The following MROH1 variants were observed in gnomAD, a reference collection of about 807,000 sequenced individuals.
MROH1 encodes maestro heat-like repeat-containing protein family member 1.
A neutral mutation model predicts 116.5 loss-of-function variants in MROH1; 117 were observed. That is an observed-to-expected ratio of 1.00 (90% CI 0.86 to 1.17). The LOEUF (loss-of-function observed/expected upper bound fraction) is 1.17. Ranked by LOEUF, MROH1 falls within the 50% of genes most tolerant of loss-of-function variation. The probability of loss-of-function intolerance (pLI) is 0.00; values close to 1 mark genes in which losing one functional copy is unlikely to be tolerated. For synonymous variants in MROH1, 921 were observed against 583.9 expected (o/e 1.58, Z -8.32); for missense variants, 1,873 against 1,338.5 (o/e 1.40, Z -6.23).
chr8:144,258,985 C>G (rs1251522860), intron 36 of MROH1, 71 bp downstream of exon 36: 1 of 663,746 alleles, frequency 1.5e-6, no homozygotes, highest in Non-Finnish European at 2.8e-6. Context: ...CAGAACATGA[C>G]AGGATCAGGC....
At chr8:144,205,517 G>GACACACACAC (rs10695749) in intron 12 of MROH1, among the ~76,000 whole-genome samples, 1 of 148,596 alleles carries the variant, frequency 6.7e-6, no homozygotes, top group African/African-American at 2.5e-5. Flanking sequence ...CATATATATA[G>GACACACACAC]ACACACACAC....
intron 35 of MROH1, among the ~76,000 whole-genome samples, chr8:144,257,797 C>T (rs1337272102): frequency 3.3e-5 from 5 of 152,254 alleles, no homozygotes; most frequent in Non-Finnish European, 4.4e-5. Flanking sequence ...CCGTGCCGCT[C>T]GGGGGTTGTC....
intron 3 of MROH1, among the ~76,000 whole-genome samples, chr8:144,166,717 G>A (rs1424049039): frequency 3.9e-5 from 6 of 152,052 alleles, no homozygotes; most frequent in African/African-American, 1.2e-4. Flanking sequence ...CTGGGGCGCC[G>A]CCCAGCCAGG....
intron 12 of MROH1, among the ~76,000 whole-genome samples, chr8:144,217,788 C>A (rs1366780458): frequency 6.6e-6 from 1 of 152,110 alleles, no homozygotes; most frequent in Non-Finnish European, 1.5e-5. Context: ...GAGACCAGAC[C>A]TTATTGTTTT....
chr8:144,155,429 A>C (rs1324389129), intron 1 of MROH1, among the ~76,000 whole-genome samples: 3 of 152,214 alleles, frequency 2.0e-5, no homozygotes, highest in Admixed American at 1.3e-4. Context: ...TTATGCATTC[A>C]TGACATATTT....
chr8:144,232,638 C>T (rs1436616641), intron 14 of MROH1, among the ~76,000 whole-genome samples: 4 of 151,686 alleles, frequency 2.6e-5, no homozygotes, highest in Non-Finnish European at 5.9e-5. Flanking sequence ...GGACTACATG[C>T]GCACACCGCC....
At chr8:144,201,718 C>T (rs1443958352) in intron 12 of MROH1, among the ~76,000 whole-genome samples, 1 of 152,116 alleles carries the variant, frequency 6.6e-6, no homozygotes, top group Non-Finnish European at 1.5e-5. Flanking sequence ...AGCAGCGTGA[C>T]AAAGCAGCAG....
chr8:144,238,933 G>A (rs1840498521), intron 15 of MROH1, 70 bp downstream of exon 15: 2 of 768,526 alleles, frequency 2.6e-6, no homozygotes, highest in African/African-American at 1.7e-5. Context: ...AGGGTGCTCA[G>A]GCCCAGCAAA....
At position 144,258,800 on chromosome 8, in the gene MROH1, C is replaced by T. The variant is rs1009549934; in HGVS notation, c.3815C>T (p.Ser1272Phe). Residue 1272 changes from serine to phenylalanine, a missense_variant, in exon 36 of 44, where the codon TCC (serine) becomes TTC (phenylalanine). Coordinates refer to ENST00000326134, the MANE Select transcript of MROH1 (RefSeq NM_032450.3). The part of the protein sequence containing the change: ...PCSSAVDTLR[S>F]MLLRSGSEDV... Reference sequence around the variant, plus strand: ...AGCTCTGCAGTGGACACCCTGCGGTCCATGCTACTCCGCAGCGGCAGCGAG... The same window carrying T: ...AGCTCTGCAGTGGACACCCTGCGGTTCATGCTACTCCGCAGCGGCAGCGAG... 5,954 of 768,126 alleles carry T rather than the reference C, an allele frequency of 7.8e-3. 24 individuals carry two copies. The highest frequency in any genetic ancestry group is 0.01 in the Non-Finnish European group (4,185 of 413,948). 47.6% of individuals were successfully genotyped at this position (768,126 alleles called of 1,614,324 possible).
intron 1 of MROH1, among the ~76,000 whole-genome samples, chr8:144,154,296 G>A (rs908072596): frequency 1.3e-5 from 2 of 152,142 alleles, no homozygotes; most frequent in African/African-American, 4.8e-5. Flanking sequence ...TCAAACTCTT[G>A]ACCTCAAGTG....
rs1841163284 is a variant in MROH1, at chr8:144,242,404, T to G, written c.2214T>G (p.Ser738Arg). The part of the protein sequence containing the change: ...RSENEVEKVK[S>R]ALILCYGHVA... ...AGAACGAAGTGGAGAAGGTGAAGAG[T>G]GCTCTGATCCTGTGCTATGGGCACG... The change falls in exon 23 of 44, where the codon AGT becomes AGG. Residue 738 changes from serine (S) to arginine (R), a missense_variant. Ser to Arg is a moderately radical substitution (Grantham distance 110). Transcript: ENST00000326134. 1.8e-5 allele frequency: 14 copies of G among 780,488 alleles called. No homozygotes were observed. The highest frequency in any genetic ancestry group is 3.4e-5 in the Non-Finnish European group (14 of 417,818). The allele number at this position is 780,488 out of a possible 1,614,324, so 48.3% of individuals were successfully genotyped here.
intron 14 of MROH1, among the ~76,000 whole-genome samples, 169 bp downstream of exon 14, chr8:144,223,399 C>T (rs1042938596): frequency 6.6e-6 from 1 of 152,088 alleles, no homozygotes; most frequent in Non-Finnish European, 1.5e-5. Flanking sequence ...GGTCTTGCTT[C>T]TGTGGCCCAG....
At chr8:144,246,301 G>A (rs1305886651) in intron 29 of MROH1, among the ~76,000 whole-genome samples, 1 of 151,704 alleles carries the variant, frequency 6.6e-6, no homozygotes, top group Admixed American at 6.6e-5. Flanking sequence ...TAGAGATGGG[G>A]TTTCATCCTG....
In MROH1 at chr8:144,228,293, A is replaced by T. The variant is rs573373035; in HGVS notation, c.1338+5063A>T. The stretch of plus-strand genomic sequence containing the variant: ...TTAAATGTGCAATAGCATTATGTCT[A>T]AAAAGCAATGTACATGCCTTAACTT... On this transcript the variant is annotated intron_variant, in intron 14 of 43. Transcript: ENST00000326134. Among the ~76,000 whole-genome samples, 36 of 152,340 alleles carry T rather than the reference A, an allele frequency of 2.4e-4. No homozygotes were observed. In the East Asian group the frequency reaches 6.9e-3, roughly 29 times the overall value.
chr8:144,148,863 A>G (rs1816051885), intron 1 of MROH1: 1 of 152,682 alleles, frequency 6.5e-6, no homozygotes. Context: ...GGACAGACTC[A>G]TAAACTCAAG....
At chr8:144,197,801 C>T (rs1378083438) in intron 10 of MROH1, among the ~76,000 whole-genome samples, 10 of 145,498 alleles carry the variant, frequency 6.9e-5, no homozygotes, top group East Asian at 6.6e-4. Context: ...ACACCGGGGG[C>T]GGTGACTCAC....
intron 13 of MROH1, among the ~76,000 whole-genome samples, chr8:144,222,865 C>T (rs1442918303): frequency 6.6e-6 from 1 of 151,536 alleles, no homozygotes; most frequent in African/African-American, 2.4e-5. Flanking sequence ...GGTGTGGGTA[C>T]AGGTGCAGGC....
intron 35 of MROH1, among the ~76,000 whole-genome samples, chr8:144,257,053 C>T (rs1184767875): frequency 2.6e-5 from 4 of 152,194 alleles, no homozygotes; most frequent in East Asian, 1.9e-4. Context: ...CCTCCGCCTG[C>T]GGCTGGCCTG....
chr8:144,194,534 A>G (rs1165316441), intron 10 of MROH1, among the ~76,000 whole-genome samples: 2 of 152,186 alleles, frequency 1.3e-5, no homozygotes, highest in East Asian at 1.9e-4. Flanking sequence ...TGCTGGTTCT[A>G]TAGGGAAACA....
Sources: gnomAD v4.1 joint callset for allele counts (sites outside exome capture counted in the v4.1 genomes callset) on GRCh38, gnomAD v4.1.1 for gene constraint, MANE v1.5 for transcripts, NCBI Gene and HGNC (gene_info 2026-07-23, HGNC 2026-07-21) for gene names.